Variants in GRIN2A observed in about 807,000 individuals in gnomAD.
GRIN2A encodes the protein glutamate ionotropic receptor NMDA type subunit 2A.
GRIN2A carries 22 observed loss-of-function variants against 113.4 expected under a neutral mutation model. The ratio of observed to expected loss-of-function variants is 0.19; its 90% CI spans 0.14 to 0.28. The LOEUF is 0.28. Ranked by LOEUF, GRIN2A falls within the 10% of genes least tolerant of loss-of-function variation. The probability of loss-of-function intolerance (pLI) is 1.00; values close to 1 mark genes in which losing one functional copy is unlikely to be tolerated. For missense variants in GRIN2A, 1,502 were observed against 1,887.0 expected (o/e 0.80, Z 3.78); for synonymous variants, 827 against 738.4 (o/e 1.12, Z -1.94).
At chr16:9,848,764 A>G (rs2042825507) in intron 5 of GRIN2A, among the ~76,000 whole-genome samples, 1 of 123,724 alleles carries the variant, frequency 8.1e-6, no homozygotes, top group Non-Finnish European at 1.6e-5. Flanking sequence ...AATATATAAA[A>G]TACACTGTTT....
At chr16:9,927,759 G>A (rs1333699919) in intron 3 of GRIN2A, among the ~76,000 whole-genome samples, 1 of 152,150 alleles carries the variant, frequency 6.6e-6, no homozygotes, top group South Asian at 2.1e-4. Flanking sequence ...GAAACTTGAA[G>A]TTTCCCCACT....
intron 4 of GRIN2A, among the ~76,000 whole-genome samples, chr16:9,885,686 T>C (rs1396757836): frequency 6.6e-6 from 1 of 152,124 alleles, no homozygotes; most frequent in Non-Finnish European, 1.5e-5. Context: ...TCAGCAGTCT[T>C]TCCCCTCTGC....
intron 4 of GRIN2A, among the ~76,000 whole-genome samples, chr16:9,873,333 C>G (rs775960491): frequency 1.2e-4 from 18 of 152,020 alleles, no homozygotes; most frequent in Non-Finnish European, 2.2e-4. Context: ...ACTTGTATAC[C>G]CCATACATTT....
chr16:9,935,557 C>CAT (rs2044695150), intron 3 of GRIN2A, among the ~76,000 whole-genome samples: 1 of 148,214 alleles, frequency 6.7e-6, no homozygotes, highest in Admixed American at 6.7e-5. Context: ...CACACACACA[C>CAT]ACTCCTCCAG....
chr16:10,156,535 G>A (rs926698831), intron 2 of GRIN2A, among the ~76,000 whole-genome samples: 2 of 152,196 alleles, frequency 1.3e-5, no homozygotes, highest in African/African-American at 4.8e-5. Context: ...ACTGAGGGGA[G>A]GAAGATGAAA....
intron 3 of GRIN2A, among the ~76,000 whole-genome samples, chr16:9,931,088 C>CTT: frequency 6.6e-6 from 1 of 152,042 alleles, no homozygotes; most frequent in Admixed American, 6.6e-5. Flanking sequence ...TGGGATAAGA[C>CTT]TTTTTTTGCC....
intron 2 of GRIN2A, among the ~76,000 whole-genome samples, chr16:10,017,851 T>C (rs367574243): frequency 6.6e-6 from 1 of 151,792 alleles, no homozygotes; most frequent in Non-Finnish European, 1.5e-5. Flanking sequence ...AAAATTTAAA[T>C]AAAGACAAGA....
chr16:9,937,987 G>A lies in GRIN2A; in HGVS notation c.979C>T (p.Pro327Ser). 1.2e-6 allele frequency: 2 copies of A among 1,613,842 alleles called. No individual in the cohort carries two copies. The highest frequency in any genetic ancestry group is 1.7e-6 in the Non-Finnish European group (2 of 1,179,826). The stretch of plus-strand genomic sequence containing the variant: ...TGCAAGGTGTGCATCGGGACCTCTG[G>A]CCTCTCCATCTGCCCGTAGCAGCTG... ...KASCYGQMERPEVPMHTLHPF... is the reference protein window; with the variant it reads ...KASCYGQMERSEVPMHTLHPF... Residue 327 changes from proline to serine, a missense_variant, in exon 3 of 13, where the codon CCA (proline) becomes TCA (serine). Physicochemically the swap from Pro to Ser is moderately conservative, Grantham distance 74. Coordinates refer to ENST00000330684, the MANE Select transcript of GRIN2A (RefSeq NM_001134407.3).
chr16:9,778,070 A>C (rs1324593683), intron 11 of GRIN2A, among the ~76,000 whole-genome samples: 1 of 152,180 alleles, frequency 6.6e-6, no homozygotes, highest in African/African-American at 2.4e-5. Flanking sequence ...TCTCAAAAAC[A>C]ACAACAACAA....
intron 2 of GRIN2A, among the ~76,000 whole-genome samples, chr16:10,160,447 T>C (rs1214279730): frequency 6.6e-6 from 1 of 152,132 alleles, no homozygotes; most frequent in African/African-American, 2.4e-5. Flanking sequence ...AGACCTGGCT[T>C]TAGGAACCAC....
chr16:10,080,997 C>T (rs2142055806), intron 2 of GRIN2A, among the ~76,000 whole-genome samples: 1 of 152,316 alleles, frequency 6.6e-6, no homozygotes, highest in South Asian at 2.1e-4. Context: ...GTTGCTCATA[C>T]AATTCTGAGT....
intron 10 of GRIN2A, among the ~76,000 whole-genome samples, chr16:9,808,664 G>A (rs1376448004): frequency 6.6e-6 from 1 of 152,140 alleles, no homozygotes; most frequent in South Asian, 2.1e-4. Flanking sequence ...ATTAGAGACA[G>A]AATATTAAAG....
intron 3 of GRIN2A, among the ~76,000 whole-genome samples, chr16:9,901,733 G>T (rs1007209617): frequency 6.6e-6 from 1 of 152,196 alleles, no homozygotes; most frequent in Non-Finnish European, 1.5e-5. Context: ...TTACAGGCAT[G>T]AGCCACCACA....
intron 12 of GRIN2A, among the ~76,000 whole-genome samples, chr16:9,765,722 A>C (rs1227503773): frequency 6.6e-6 from 1 of 152,140 alleles, no homozygotes; most frequent in African/African-American, 2.4e-5. Flanking sequence ...TTTTTACTTA[A>C]TCGACTCAAT....
Position 10,053,044 on chromosome 16 carries a change from T to A in GRIN2A, c.415-114493A>T, listed in dbSNP as rs1413068247. On this transcript the variant is annotated intron_variant, in intron 2 of 12. Coordinates refer to ENST00000330684, the MANE Select transcript of GRIN2A (RefSeq NM_001134407.3). ...GCCTGGGCAACAGAGCAAGACTCCA[T>A]CTCAAAAAAAAAAAAAAAATACAGA... Among the ~76,000 whole-genome samples the A allele has an allele frequency of 2.7e-3, 269 of 99,014 alleles. 2 individuals are homozygous for A. Among genetic ancestry groups the A allele is most frequent in the African/African-American group, 0.01 (251 of 24,036 alleles). The allele number at this position is 99,014 out of a possible 152,430, so 65.0% of individuals were successfully genotyped here.
intron 2 of GRIN2A, among the ~76,000 whole-genome samples, chr16:10,129,676 T>C (rs947993850): frequency 6.6e-6 from 1 of 152,226 alleles, no homozygotes; most frequent in African/African-American, 2.4e-5. Context: ...GTCTGAGATA[T>C]AAGCAGGAGA....
At chr16:10,119,919 CT>C (rs2048802569) in intron 2 of GRIN2A, among the ~76,000 whole-genome samples, 2 of 152,118 alleles carry the variant, frequency 1.3e-5, no homozygotes, top group Admixed American at 1.3e-4. Context: ...TGAGTTCATT[CT>C]TTTTATGGCT....
intron 2 of GRIN2A, among the ~76,000 whole-genome samples, chr16:10,113,187 C>T (rs1205862273): frequency 6.6e-6 from 1 of 152,056 alleles, no homozygotes; most frequent in African/African-American, 2.4e-5. Context: ...ATGGCCCCCA[C>T]CCCAGGGACA....
intron 4 of GRIN2A, among the ~76,000 whole-genome samples, chr16:9,852,678 C>T (rs1314535226): frequency 6.6e-6 from 1 of 152,190 alleles, no homozygotes; most frequent in Non-Finnish European, 1.5e-5. Context: ...ACCTTCTTTT[C>T]TCATCTGATA....
Sources: allele counts gnomAD v4.1 joint callset (sites outside exome capture counted in the v4.1 genomes callset), GRCh38; gene constraint gnomAD v4.1.1; transcripts MANE v1.5; gene names NCBI Gene and HGNC (gene_info 2026-07-23, HGNC 2026-07-21).